FAM193A: variants seen among roughly 807,000 people sequenced by gnomAD.
The protein encoded by FAM193A is family with sequence similarity 193 member A.
In FAM193A, 22 loss-of-function variants were observed where a neutral mutation model predicts 126.5. That is an observed-to-expected ratio of 0.17 (90% CI 0.12 to 0.25). FAM193A has a LOEUF of 0.25. FAM193A is among the 10% of genes least tolerant of loss of function. The pLI is 1.00. For missense variants in FAM193A, 1,675 were observed against 1,672.8 expected, an observed-to-expected ratio of 1.00 and a Z score of -0.02; for synonymous variants, 761 against 646.8, an observed-to-expected ratio of 1.18 and a Z score of -2.68.
intron 7 of FAM193A, among the ~76,000 whole-genome samples, chr4:2,655,465 G>GTA (rs1419072725): frequency 6.6e-6 from 1 of 152,062 alleles, no homozygotes; most frequent in East Asian, 1.9e-4. Context: ...GTGTGTGTGT[G>GTA]TATTCGGACA....
intron 13 of FAM193A, among the ~76,000 whole-genome samples, chr4:2,681,989 T>TG (rs1473451987): frequency 7.1e-6 from 1 of 140,158 alleles, no homozygotes; most frequent in African/African-American, 2.9e-5. Context: ...TTTTTTTGGT[T>TG]TTTTTTTTTT....
At chr4:2,659,776 T>A in intron 9 of FAM193A, 36 bp from the exon 10 acceptor site, 2 of 1,614,064 alleles carry the variant, frequency 1.2e-6, no homozygotes, top group Admixed American at 3.3e-5. Flanking sequence ...TCTTGTGCAT[T>A]GGTTGGCTTG....
At chr4:2,594,819 C>CTTT (rs1740763162) in intron 1 of FAM193A, among the ~76,000 whole-genome samples, 3 of 86,956 alleles carry the variant, frequency 3.5e-5, no homozygotes, top group Non-Finnish European at 6.7e-5. Flanking sequence ...CTTTTCTTTT[C>CTTT]CTTTTTTTTT....
At position 2,647,648 on chromosome 4, in the gene FAM193A, G is replaced by A. The variant is rs769857741; in HGVS notation, c.1311+816G>A. On this transcript the variant is annotated intron_variant, in intron 7 of 20. Transcript: ENST00000637812. ...GCACTCAGGCAGCCCAAGCCTGTCA[G>A]ACAGAGCAGGGCTTTGAGACGGCGC... Among the ~76,000 whole-genome samples the A allele has an allele frequency of 1.4e-4, 21 of 152,302 alleles. No homozygotes were observed. The South Asian group carries it at 1.7e-3, about 12-fold the overall frequency.
At chr4:2,569,293 C>T (rs910396960) in intron 1 of FAM193A, among the ~76,000 whole-genome samples, 20 of 151,836 alleles carry the variant, frequency 1.3e-4, no homozygotes, top group Admixed American at 1.2e-3. Flanking sequence ...GCCAGCTGAT[C>T]GGAAACCCAC....
chr4:2,560,391 G>T (rs2108838126), intron 1 of FAM193A, among the ~76,000 whole-genome samples: 1 of 152,292 alleles, frequency 6.6e-6, no homozygotes, highest in Non-Finnish European at 1.5e-5. Context: ...TGTGGTGCCT[G>T]TCCTGGCTCG....
intron 2 of FAM193A, among the ~76,000 whole-genome samples, chr4:2,599,212 A>T (rs1741048068): frequency 6.7e-6 from 1 of 149,728 alleles, no homozygotes; most frequent in Admixed American, 6.7e-5. Context: ...TTTAAAGTTA[A>T]ACTGTTTTTT....
At chr4:2,673,161 CT>C (rs144171898) in intron 13 of FAM193A, among the ~76,000 whole-genome samples, 3,914 of 152,054 alleles carry the variant, frequency 0.026, 183 homozygotes, top group African/African-American at 0.089. Flanking sequence ...TGATTGTTTT[CT>C]TTTTTTTCTT....
chr4:2,593,327 C>A (rs983613172), intron 1 of FAM193A, among the ~76,000 whole-genome samples: 8 of 152,142 alleles, frequency 5.3e-5, no homozygotes, highest in Non-Finnish European at 1.0e-4. Context: ...TCCTTGACTT[C>A]AGTGGCCCTC....
intron 7 of FAM193A, among the ~76,000 whole-genome samples, chr4:2,656,904 C>G (rs1395778084): frequency 6.6e-6 from 1 of 152,194 alleles, no homozygotes; most frequent in South Asian, 2.1e-4. Flanking sequence ...CAGTGGCTCA[C>G]GCTTATAATC....
chr4:2,582,990 C>CG (rs1560459792), intron 1 of FAM193A, among the ~76,000 whole-genome samples: 1 of 151,926 alleles, frequency 6.6e-6, no homozygotes, highest in Admixed American at 6.6e-5. Flanking sequence ...TTTTTTGAGA[C>CG]GGAGTTTTGC....
chr4:2,656,303 G>C (rs964472542), intron 7 of FAM193A, among the ~76,000 whole-genome samples: 3 of 152,196 alleles, frequency 2.0e-5, no homozygotes, highest in Non-Finnish European at 2.9e-5. Flanking sequence ...CAGGGAAGAA[G>C]AACAAGAACT....
chr4:2,587,563 A>G (rs1264759051), intron 1 of FAM193A, among the ~76,000 whole-genome samples: 1 of 150,980 alleles, frequency 6.6e-6, no homozygotes, highest in East Asian at 1.9e-4. Context: ...ATGGTGGTGC[A>G]TGCCTGTAGT....
At chr4:2,684,746 A>G (rs187332885) in intron 13 of FAM193A, among the ~76,000 whole-genome samples, 1 of 151,718 alleles carries the variant, frequency 6.6e-6, no homozygotes, top group African/African-American at 2.4e-5. Flanking sequence ...CCTCACCTCC[A>G]CCTCGCTTCT....
In FAM193A at chr4:2,700,412, A is replaced by C. The variant is rs141086155; in HGVS notation, c.4240A>C (p.Thr1414Pro). 3 of 1,614,032 alleles carry C rather than the reference A, an allele frequency of 1.9e-6. No individual in the cohort carries two copies. In the East Asian group the frequency reaches 6.7e-5, roughly 36 times the overall value. The change falls in exon 19 of 21, where the codon ACC becomes CCC. Residue 1414 changes from threonine (T) to proline (P), a missense_variant. Thr to Pro is a conservative substitution (Grantham distance 38, BLOSUM62 -1). Transcript: ENST00000637812. ...CATCAAGGACGAAAAGTCAAACCCA[A>C]CCCCTATGGAGCCCACCTCTCCCGG... ...NHIKDEKSNP[T>P]PMEPTSPGEH...
At chr4:2,709,435 C>T (rs57978437) in intron 19 of FAM193A, among the ~76,000 whole-genome samples, 58,236 of 151,962 alleles carry the variant, frequency 0.38, 11,830 homozygotes, top group Admixed American at 0.55. Flanking sequence ...TGGCTGGGCA[C>T]GGTGGCTCAT....
intron 2 of FAM193A, among the ~76,000 whole-genome samples, chr4:2,607,015 A>C (rs1054343704): frequency 1.3e-5 from 2 of 152,234 alleles, no homozygotes; most frequent in African/African-American, 2.4e-5. Flanking sequence ...TTGGCCCATC[A>C]GTCACTTTTT....
At chr4:2,653,252 T>C (rs1745847472) in intron 7 of FAM193A, among the ~76,000 whole-genome samples, 1 of 152,218 alleles carries the variant, frequency 6.6e-6, no homozygotes, top group Admixed American at 6.5e-5. Flanking sequence ...TTTGAAATAT[T>C]ATATATGGTA....
intron 20 of FAM193A, among the ~76,000 whole-genome samples, chr4:2,728,150 C>T (rs1190189973): frequency 6.6e-6 from 1 of 151,156 alleles, no homozygotes; most frequent in South Asian, 2.1e-4. Flanking sequence ...AGGCTGGTCT[C>T]GAACTCCCGA....
Sources: gnomAD v4.1 joint callset for allele counts (sites outside exome capture counted in the v4.1 genomes callset) on GRCh38, gnomAD v4.1.1 for gene constraint, MANE v1.5 for transcripts, NCBI Gene and HGNC (gene_info 2026-07-23, HGNC 2026-07-21) for gene names.